The following CARMIL1 variants were observed in gnomAD, a reference collection of about 807,000 sequenced individuals.
CARMIL1 encodes the protein capping protein regulator and myosin 1 linker 1.
A neutral mutation model predicts 177.1 loss-of-function variants in CARMIL1; 90 were observed. That is an observed-to-expected ratio of 0.51 (90% confidence interval 0.43 to 0.61). The LOEUF is 0.61. Ranked by LOEUF, CARMIL1 falls within the 20% of genes least tolerant of loss-of-function variation. The pLI is 0.00. For synonymous variants in CARMIL1, 577 were observed against 606.2 expected, an observed-to-expected ratio of 0.95 and a Z score of 0.71; for missense variants, 1,380 against 1,667.0, an observed-to-expected ratio of 0.83 and a Z score of 3.00.
At chr6:25,323,666 G>A (rs975162214) in intron 2 of CARMIL1, among the ~76,000 whole-genome samples, 1 of 152,172 alleles carries the variant, frequency 6.6e-6, no homozygotes, top group African/African-American at 2.4e-5. Flanking sequence ...AATCATAGAT[G>A]TATGGTTTCT....
At chr6:25,360,831 G>A (rs938925070) in intron 2 of CARMIL1, among the ~76,000 whole-genome samples, 2 of 151,958 alleles carry the variant, frequency 1.3e-5, no homozygotes, top group Admixed American at 6.6e-5. Context: ...CCATATGCAT[G>A]TGATTTTAGG....
chr6:25,421,798 C>T (rs1168501924), intron 3 of CARMIL1, among the ~76,000 whole-genome samples: 5 of 144,008 alleles, frequency 3.5e-5, no homozygotes, highest in Non-Finnish European at 4.5e-5. Context: ...CATGTTCTCA[C>T]TCATAGGTGG....
chr6:25,428,904 C>T lies in CARMIL1; in HGVS notation c.249+2344C>T, dbSNP rs566002023. 3.9e-4 allele frequency among the ~76,000 whole-genome samples: 60 copies of T among 152,244 alleles called. 1 individual carries two copies. Among genetic ancestry groups the T allele is most frequent in the African/African-American group, 1.3e-3 (54 of 41,548 alleles). On this transcript the variant is annotated intron_variant, in intron 4 of 36. Coordinates refer to ENST00000329474, the MANE Select transcript of CARMIL1 (RefSeq NM_017640.6). ...GTAACCTGCTATCTTGTTCTACTCA[C>T]GTATTAGTTCTAGTAGCTTTTAAAA...
At chr6:25,304,559 T>G (rs1427096663) in intron 2 of CARMIL1, among the ~76,000 whole-genome samples, 1 of 152,116 alleles carries the variant, frequency 6.6e-6, no homozygotes, top group African/African-American at 2.4e-5. Flanking sequence ...CACGCTCCTA[T>G]GAGAATCAAA....
chr6:25,429,242 A>T (rs555396739), intron 4 of CARMIL1, among the ~76,000 whole-genome samples: 1 of 152,282 alleles, frequency 6.6e-6, no homozygotes, highest in South Asian at 2.1e-4. Flanking sequence ...CCAATGTCCA[A>T]GGGTTCCTTT....
At chr6:25,618,383 G>A (rs1170550477) in intron 36 of CARMIL1, among the ~76,000 whole-genome samples, 1 of 152,116 alleles carries the variant, frequency 6.6e-6, no homozygotes, top group African/African-American at 2.4e-5. Context: ...CGAGTGATGA[G>A]GTAGCTGTAC....
rs1801632717 is a variant in CARMIL1, at chr6:25,477,025, G to A, written c.874+4504G>A. Among the ~76,000 whole-genome samples, 7 of 149,842 alleles carry A rather than the reference G, an allele frequency of 4.7e-5. No homozygotes were observed. In the Admixed American group the frequency reaches 4.7e-4, roughly 10 times the overall value. ...AATCGCTTGAATCAGGGAGTCAGAG[G>A]TTGCAGTGAGCCGAGATTGTGTCAC... On this transcript the variant is annotated intron_variant, in intron 11 of 36. Transcript: ENST00000329474.
At chr6:25,365,166 A>G (rs1789643452) in intron 2 of CARMIL1, among the ~76,000 whole-genome samples, 1 of 152,132 alleles carries the variant, frequency 6.6e-6, no homozygotes, top group African/African-American at 2.4e-5. Flanking sequence ...GTCCAGCTCT[A>G]TTTTGGTCTT....
chr6:25,292,178 T>C (rs1782023725), intron 2 of CARMIL1, among the ~76,000 whole-genome samples: 1 of 152,234 alleles, frequency 6.6e-6, no homozygotes, highest in Admixed American at 6.5e-5. Context: ...TGAGACGCTC[T>C]TGTACCAGTT....
chr6:25,540,546 A>G (rs552992229), intron 26 of CARMIL1, among the ~76,000 whole-genome samples: 1 of 152,292 alleles, frequency 6.6e-6, no homozygotes, highest in African/African-American at 2.4e-5. Context: ...CAAGGCACCC[A>G]AGGTTGCAGA....
chr6:25,484,684 C>T (rs1802454454), intron 12 of CARMIL1, among the ~76,000 whole-genome samples: 1 of 152,208 alleles, frequency 6.6e-6, no homozygotes, highest in Non-Finnish European at 1.5e-5. Flanking sequence ...GGCAAACCCC[C>T]TCCAAACTCC....
Position 25,528,822 on chromosome 6 carries a change from G to C in CARMIL1, c.1996G>C (p.Glu666Gln), listed in dbSNP as rs777734344. ...AGAAAACTACCTGCTACGAAATCAC[G>C]AGACTAGAAAATACCTTCAAGAGCA... ...KIENYLLRNH[E>Q]TRKYLQEQAY... is the part of the protein sequence containing the mutation. The change falls in exon 24 of 37, where the codon GAG becomes CAG. Residue 666 changes from glutamate to glutamine, a missense_variant. By Grantham distance (29) the Glu-to-Gln change is conservative. Transcript: ENST00000329474. 6.8e-6 allele frequency: 11 copies of C among 1,608,240 alleles called. No individual in the cohort carries two copies. The highest frequency in any genetic ancestry group is 9.3e-6 in the Non-Finnish European group (11 of 1,177,184).
chr6:25,286,280 C>G (rs1053557649), intron 2 of CARMIL1, among the ~76,000 whole-genome samples: 5 of 152,196 alleles, frequency 3.3e-5, no homozygotes, highest in African/African-American at 1.2e-4. Flanking sequence ...ATATCTAACT[C>G]CAGGATATGT....
chr6:25,404,634 T>A (rs1187400755), intron 2 of CARMIL1, among the ~76,000 whole-genome samples: 1 of 151,954 alleles, frequency 6.6e-6, no homozygotes, highest in Non-Finnish European at 1.5e-5. Context: ...CACACACCTG[T>A]AGTCCCAGCT....
intron 25 of CARMIL1, 104 bp downstream of exon 25, chr6:25,538,087 A>G: frequency 7.7e-6 from 10 of 1,292,304 alleles, no homozygotes; most frequent in Non-Finnish European, 9.4e-6. Flanking sequence ...CCCAATTCCA[A>G]GTTTACTAAC....
chr6:25,494,083 ATATTAT>A (rs145242367), intron 15 of CARMIL1, among the ~76,000 whole-genome samples: 24 of 149,054 alleles, frequency 1.6e-4, no homozygotes, highest in Admixed American at 8.7e-4. Flanking sequence ...TATACATTAA[ATATTAT>A]TATTATTATT....
At chr6:25,482,226 A>G in intron 11 of CARMIL1, 31 bp from the exon 12 acceptor site, 2 of 1,175,228 alleles carry the variant, frequency 1.7e-6, no homozygotes, top group Non-Finnish European at 2.5e-6. Flanking sequence ...GAGAACTTGA[A>G]AATTCTAATC....
intron 2 of CARMIL1, among the ~76,000 whole-genome samples, chr6:25,330,888 G>GTTTTT (rs67633087): frequency 8.5e-6 from 1 of 118,226 alleles, no homozygotes; most frequent in African/African-American, 3.2e-5. Context: ...TTTTCAAGAG[G>GTTTTT]TTTTTTTTTT....
chr6:25,334,347 T>C (rs944261370), intron 2 of CARMIL1, among the ~76,000 whole-genome samples: 11 of 152,250 alleles, frequency 7.2e-5, no homozygotes, highest in Non-Finnish European at 1.3e-4. Flanking sequence ...ATTATAGTTA[T>C]GTGAACTTGT....
Sources: gnomAD v4.1 joint callset for allele counts (sites outside exome capture counted in the v4.1 genomes callset) on GRCh38, gnomAD v4.1.1 for gene constraint, MANE v1.5 for transcripts, NCBI Gene and HGNC (gene_info 2026-07-23, HGNC 2026-07-21) for gene names.